Variants in CTNNBL1 observed in about 807,000 individuals in gnomAD.
CTNNBL1 encodes the protein beta-catenin-like protein 1.
CTNNBL1 carries 31 observed loss-of-function variants against 72.7 expected under a neutral mutation model. That is an observed-to-expected ratio of 0.43 (90% CI 0.32 to 0.58). The LOEUF (loss-of-function observed/expected upper bound fraction) is 0.58. Among genes scored for constraint, CTNNBL1 ranks in the 20% least tolerant of loss-of-function variants. CTNNBL1 has a pLI of 0.08. For missense variants in CTNNBL1, 534 were observed against 725.1 expected (o/e 0.74, Z 3.03); for synonymous variants, 240 against 267.3 (o/e 0.90, Z 1.00).
intron 1 of CTNNBL1, 27 bp downstream of exon 1, chr20:37,694,179 A>T (rs371857791): frequency 6.3e-7 from 1 of 1,578,360 alleles, no homozygotes; most frequent in Non-Finnish European, 8.6e-7. Flanking sequence ...GGGCCGAGCG[A>T]CCGCGTTCTC....
chr20:37,822,116 C>G (rs903652718), intron 11 of CTNNBL1, among the ~76,000 whole-genome samples: 1 of 152,160 alleles, frequency 6.6e-6, no homozygotes, highest in South Asian at 2.1e-4. Context: ...GAGAATAAAT[C>G]TGTATTTTCT....
chr20:37,768,773 GTTT>G (rs1157069214), intron 7 of CTNNBL1, among the ~76,000 whole-genome samples: 1 of 151,606 alleles, frequency 6.6e-6, no homozygotes, highest in Non-Finnish European at 1.5e-5. Flanking sequence ...ACTTTTTTTT[GTTT>G]TTTTGTTTTT....
chr20:37,838,572 G>T (rs1568804383), intron 11 of CTNNBL1, among the ~76,000 whole-genome samples: 1 of 152,186 alleles, frequency 6.6e-6, no homozygotes, highest in Non-Finnish European at 1.5e-5. Flanking sequence ...GGAAGATCAG[G>T]AGCTTGTGTT....
At chr20:37,795,169 C>T (rs114812890) in intron 10 of CTNNBL1, among the ~76,000 whole-genome samples, 4,819 of 148,774 alleles carry the variant, frequency 0.032, 252 homozygotes, top group African/African-American at 0.11. Context: ...AGGTCCCTCT[C>T]TGTTGCCCAG....
chr20:37,732,952 C>T lies in CTNNBL1; in HGVS notation c.104C>T (p.Thr35Ile), dbSNP rs780248772. The T allele has an allele frequency of 1.2e-6, 2 of 1,614,070 alleles. No individual in the cohort carries two copies. Among genetic ancestry groups the T allele is most frequent in the Non-Finnish European group, 1.7e-6 (2 of 1,180,030 alleles). ...EQKMRRKQTG[T>I]RERGRYREEE... Reference sequence around the variant, plus strand: ...AAGATGCGTCGGAAACAAACTGGTACTCGAGAACGCGGCCGCTATCGGGAA... The same window carrying T: ...AAGATGCGTCGGAAACAAACTGGTATTCGAGAACGCGGCCGCTATCGGGAA... The change falls in exon 2 of 16, where the codon ACT (threonine) becomes ATT (isoleucine). Residue 35 changes from threonine to isoleucine, a missense_variant. Thr to Ile is a moderately conservative substitution (Grantham distance 89, BLOSUM62 -1). Coordinates refer to ENST00000361383, the MANE Select transcript of CTNNBL1 (RefSeq NM_030877.5).
chr20:37,698,887 AG>A (rs1405209484), intron 1 of CTNNBL1, among the ~76,000 whole-genome samples: 2 of 152,158 alleles, frequency 1.3e-5, no homozygotes, highest in Middle Eastern at 3.2e-3. Flanking sequence ...CTCTACAAAA[AG>A]TTTAAAAATC....
intron 15 of CTNNBL1, among the ~76,000 whole-genome samples, chr20:37,869,011 A>C (rs1438191960): frequency 2.0e-5 from 3 of 152,196 alleles, no homozygotes; most frequent in Non-Finnish European, 4.4e-5. Context: ...CCACTTACAC[A>C]CAGCCCCAGA....
At chr20:37,840,241 A>G (rs1442592754) in intron 12 of CTNNBL1, 42 bp downstream of exon 12, 1 of 1,421,072 alleles carries the variant, frequency 7.0e-7, no homozygotes, top group Admixed American at 1.7e-5. Flanking sequence ...CGGGACTGAT[A>G]GAAAGGCTCT....
chr20:37,805,455 G>A (rs1600499168), intron 11 of CTNNBL1, among the ~76,000 whole-genome samples: 1 of 141,018 alleles, frequency 7.1e-6, no homozygotes. Context: ...AGAGTGCAGT[G>A]ATGCGATCTC....
At chr20:37,819,643 T>A (rs2072088178) in intron 11 of CTNNBL1, among the ~76,000 whole-genome samples, 1 of 152,220 alleles carries the variant, frequency 6.6e-6, no homozygotes, top group Non-Finnish European at 1.5e-5. Context: ...AAGAATTTTT[T>A]AAAGTATTTT....
chr20:37,755,817 G>T (rs1361211926), intron 4 of CTNNBL1, among the ~76,000 whole-genome samples: 2 of 152,136 alleles, frequency 1.3e-5, no homozygotes, highest in Non-Finnish European at 2.9e-5. Flanking sequence ...TCTCCTTCAG[G>T]CCTGGCTCCC....
intron 13 of CTNNBL1, among the ~76,000 whole-genome samples, chr20:37,851,418 A>G (rs1046600437): frequency 3.9e-5 from 6 of 152,092 alleles, no homozygotes; most frequent in African/African-American, 1.4e-4. Flanking sequence ...TTATAGGGAA[A>G]CTATAGGCCA....
intron 1 of CTNNBL1, among the ~76,000 whole-genome samples, chr20:37,704,762 C>G (rs1012227359): frequency 6.6e-6 from 1 of 151,774 alleles, no homozygotes; most frequent in Non-Finnish European, 1.5e-5. Flanking sequence ...GGTGGTCTTA[C>G]TTTTATCATT....
intron 7 of CTNNBL1, among the ~76,000 whole-genome samples, chr20:37,768,552 C>T (rs911048336): frequency 3.9e-5 from 6 of 152,168 alleles, no homozygotes; most frequent in African/African-American, 1.2e-4. Context: ...ATAAACAGTG[C>T]GGCTGTGAAT....
At chr20:37,771,911 C>A (rs914619781) in intron 7 of CTNNBL1, among the ~76,000 whole-genome samples, 1 of 152,050 alleles carries the variant, frequency 6.6e-6, no homozygotes, top group Non-Finnish European at 1.5e-5. Flanking sequence ...CTTCATGCCC[C>A]CTTTCCATAG....
At chr20:37,747,378 CAAAAAAAAAAAAAA>C (rs11476313) in intron 4 of CTNNBL1, among the ~76,000 whole-genome samples, 6 of 42,928 alleles carry the variant, frequency 1.4e-4, no homozygotes, top group Non-Finnish European at 2.6e-4. Flanking sequence ...GACTCCATCT[CAAAAAAAAAAAAAA>C]AAAAAAAAAA....
At chr20:37,726,701 T>C (rs932660494) in intron 1 of CTNNBL1, among the ~76,000 whole-genome samples, 2 of 152,226 alleles carry the variant, frequency 1.3e-5, no homozygotes, top group Non-Finnish European at 2.9e-5. Flanking sequence ...CCTTTGACTT[T>C]TTCCATTTTC....
chr20:37,791,162 G>A (rs1245121680), intron 10 of CTNNBL1, among the ~76,000 whole-genome samples: 1 of 152,158 alleles, frequency 6.6e-6, no homozygotes, highest in African/African-American at 2.4e-5. Context: ...ACTTGTTGAA[G>A]GATATTTGGG....
intron 12 of CTNNBL1, among the ~76,000 whole-genome samples, chr20:37,841,968 C>T (rs1206708806): frequency 1.3e-5 from 2 of 152,190 alleles, no homozygotes; most frequent in Non-Finnish European, 2.9e-5. Context: ...CTGTAAAGTT[C>T]TAAGTGAATA....
Sources: allele counts gnomAD v4.1 joint callset (sites outside exome capture counted in the v4.1 genomes callset), GRCh38; gene constraint gnomAD v4.1.1; transcripts MANE v1.5; gene names NCBI Gene and HGNC (gene_info 2026-07-23, HGNC 2026-07-21).